Variants in METTL21A observed in about 807,000 individuals in gnomAD.
The protein encoded by METTL21A is protein N-lysine methyltransferase METTL21A.
Under a neutral mutation model 20.9 loss-of-function variants are expected in METTL21A, and 22 were observed. The observed-to-expected ratio is 1.05, with a 90% CI of 0.75 to 1.50. The LOEUF is 1.50. Among genes scored for constraint, METTL21A ranks in the 40% most tolerant of loss-of-function variants. The probability of loss-of-function intolerance (pLI) is 0.00; values close to 1 mark genes in which losing one functional copy is unlikely to be tolerated. For missense variants in METTL21A, 271 were observed against 266.8 expected (o/e 1.02, Z -0.11); for synonymous variants, 93 against 102.0 (o/e 0.91, Z 0.53).
At chr2:207,592,611 T>G (rs1575003397) in intron 3 of METTL21A, among the ~76,000 whole-genome samples, 1 of 152,116 alleles carries the variant, frequency 6.6e-6, no homozygotes, top group Non-Finnish European at 1.5e-5. Flanking sequence ...TGTGGCTTGG[T>G]GTCTGTCATT....
intron 3 of METTL21A, chr2:207,601,781 G>A (rs1055171644): frequency 4.6e-5 from 10 of 218,652 alleles, no homozygotes; most frequent in Admixed American, 4.0e-4. Context: ...AAAGTAAAGT[G>A]TGCATAGTAA....
exon 4 of METTL21A, chr2:207,581,980 G>A (rs2083021742): frequency 1.4e-6 from 1 of 701,356 alleles, no homozygotes; most frequent in African/African-American, 1.7e-5. Flanking sequence ...GTTTTGGGGA[G>A]GAATTCCACA....
rs1018361251 is a variant in METTL21A, at chr2:207,619,111, A to G, written c.259+2695T>C. Among the ~76,000 whole-genome samples, 6 of 152,126 alleles carry G rather than the reference A, an allele frequency of 3.9e-5. No individual in the cohort carries two copies. The East Asian group carries it at 1.2e-3, about 29-fold the overall frequency. On this transcript the variant is annotated intron_variant, in intron 3 of 3. Transcript: ENST00000406927. ...CTCAGAACACAGGAACTACTCAGGA[A>G]TTAGCAGCTGGTTTTTAACAGGAAA... is the stretch of plus-strand genomic sequence containing the variant.
chr2:207,584,625 C>T (rs777055081), intron 3 of METTL21A, among the ~76,000 whole-genome samples: 2 of 152,190 alleles, frequency 1.3e-5, no homozygotes, highest in African/African-American at 4.8e-5. Context: ...TGGTTTTGAA[C>T]TCCTGACCTC....
intron 2 of METTL21A, among the ~76,000 whole-genome samples, chr2:207,622,165 T>A (rs946267779): frequency 6.8e-6 from 1 of 147,572 alleles, no homozygotes; most frequent in Non-Finnish European, 1.5e-5. Flanking sequence ...AGCTTAATTT[T>A]TTTTTTTTTT....
chr2:207,624,344 T>C (rs1271601148), exon 2 of METTL21A: 2 of 1,613,652 alleles, frequency 1.2e-6, no homozygotes, highest in Non-Finnish European at 1.7e-6. Context: ...CAACCCAAAT[T>C]CCGTGGTCTC....
At chr2:207,623,152 C>A (rs899893568) in intron 2 of METTL21A, among the ~76,000 whole-genome samples, 3 of 152,188 alleles carry the variant, frequency 2.0e-5, no homozygotes, top group African/African-American at 7.2e-5. Context: ...GATCTGCCCA[C>A]CTCGGCCTCC....
At position 207,624,410 on chromosome 2, in the gene METTL21A, G is replaced by C. The variant is rs201671407; in HGVS notation, c.-29-6C>G. 2.5e-6 allele frequency: 4 copies of C among 1,592,732 alleles called. No homozygotes were observed. ...ACCCCGCCCTCTGCTCAGACCTGCC[G>C]TGCAAAAGAATCCTGGGTGACGCTC... is the stretch of plus-strand genomic sequence containing the variant. On this transcript the variant is annotated splice_polypyrimidine_tract_variant and splice_region_variant and intron_variant, in intron 1 of 3. Transcript: ENST00000406927.
chr2:207,612,153 A>G (rs2089038194), downstream of METTL21A: 1 of 132,626 alleles, frequency 7.5e-6, no homozygotes. Flanking sequence ...AGGCTGGAGT[A>G]CAATGGTGCA....
intron 3 of METTL21A, chr2:207,597,954 A>G (rs2086441718): frequency 5.4e-6 from 1 of 184,862 alleles, no homozygotes; most frequent in African/African-American, 2.3e-5. Flanking sequence ...CTCACCTTCA[A>G]AAATATTTAT....
downstream of METTL21A, among the ~76,000 whole-genome samples, chr2:207,608,158 C>T (rs2088427545): frequency 6.6e-6 from 1 of 152,166 alleles, no homozygotes; most frequent in Non-Finnish European, 1.5e-5. Flanking sequence ...GGCCTAACTG[C>T]AGGACCATCT....
intron 3 of METTL21A, among the ~76,000 whole-genome samples, chr2:207,621,429 A>C (rs1163839667): frequency 6.6e-6 from 1 of 152,256 alleles, no homozygotes; most frequent in East Asian, 1.9e-4. Flanking sequence ...TAAATCAGAT[A>C]GTGTATGGGA....
At chr2:207,603,781 A>T (rs1249244714) in intron 3 of METTL21A, among the ~76,000 whole-genome samples, 1 of 152,184 alleles carries the variant, frequency 6.6e-6, no homozygotes, top group African/African-American at 2.4e-5. Context: ...TGCAATTCTA[A>T]AACTCTGTGA....
chr2:207,591,407 A>G (rs925848299), intron 3 of METTL21A, among the ~76,000 whole-genome samples: 14 of 152,160 alleles, frequency 9.2e-5, no homozygotes, highest in Admixed American at 9.2e-4. Context: ...TGATACTAAT[A>G]AAACTACCCC....
chr2:207,624,686 G>T (rs1022875064), intron 1 of METTL21A: 3 of 169,984 alleles, frequency 1.8e-5, no homozygotes, highest in Non-Finnish European at 3.8e-5. Context: ...ACCACTCCGT[G>T]AATTCAGAAC....
chr2:207,620,611 T>C, intron 3 of METTL21A: 1 of 1,460,910 alleles, frequency 6.8e-7, no homozygotes, highest in Non-Finnish European at 9.1e-7. Context: ...AAATAATACC[T>C]AACATACACG....
intron 3 of METTL21A, chr2:207,582,920 T>G: frequency 3.7e-6 from 1 of 266,852 alleles, no homozygotes. Flanking sequence ...CAAAAAAAAA[T>G]ATATATATAT....
intron 3 of METTL21A, chr2:207,582,222 T>G: frequency 1.4e-6 from 1 of 701,690 alleles, no homozygotes; most frequent in Non-Finnish European, 2.6e-6. Flanking sequence ...AGTAATTAGG[T>G]GTATTTTAGA....
At chr2:207,595,384 TG>T (rs1310676234) in intron 3 of METTL21A, among the ~76,000 whole-genome samples, 4 of 152,306 alleles carry the variant, frequency 2.6e-5, no homozygotes, top group African/African-American at 9.6e-5. Context: ...TGGGTTATTT[TG>T]CTGTTGAGTT....
Sources: allele counts gnomAD v4.1 joint callset (sites outside exome capture counted in the v4.1 genomes callset), GRCh38; gene constraint gnomAD v4.1.1; transcripts MANE v1.5; gene names NCBI Gene and HGNC (gene_info 2026-07-23, HGNC 2026-07-21).